FAAH2: variants seen among roughly 807,000 people sequenced by gnomAD.
FAAH2 encodes fatty-acid amide hydrolase 2.
In FAAH2, 60 loss-of-function variants were observed where a neutral mutation model predicts 36.9. The observed-to-expected ratio is 1.63, with a 90% CI of 1.32 to 2.02. The LOEUF (loss-of-function observed/expected upper bound fraction) is 2.02, where lower values mean the gene tolerates loss of function less well. FAAH2 is among the 30% of genes most tolerant of loss of function. The pLI is 0.00. For missense variants in FAAH2, 689 were observed against 397.5 expected (o/e 1.73, Z -6.23); for synonymous variants, 214 against 143.8 (o/e 1.49, Z -3.49).
chrX:57,469,562 A>G (rs1235474123), intron 10 of FAAH2, among the ~76,000 whole-genome samples: 1 of 112,168 alleles, frequency 8.9e-6, no homozygotes, highest in East Asian at 2.8e-4. Flanking sequence ...TCCTAAATAC[A>G]TCTGCACCCA....
chrX:57,296,632 G>A (rs773062566), intron 2 of FAAH2, among the ~76,000 whole-genome samples: 10 of 111,743 alleles, frequency 8.9e-5, no homozygotes, highest in African/African-American at 3.3e-4. Flanking sequence ...AGAGAAGAAG[G>A]CTTCAGATGA....
chrX:57,389,789 C>T (rs1245336575), intron 7 of FAAH2, among the ~76,000 whole-genome samples: 1 of 110,912 alleles, frequency 9.0e-6, no homozygotes, highest in African/African-American at 3.3e-5. Context: ...TTTTGAATGG[C>T]TGTACAAATT....
the FAAH2 span, among the ~76,000 whole-genome samples, chrX:57,187,485 T>G: frequency 9.0e-6 from 1 of 111,410 alleles, no homozygotes; most frequent in Non-Finnish European, 1.9e-5. Context: ...TGGGGTTCTC[T>G]AAATATACAA....
the FAAH2 span, among the ~76,000 whole-genome samples, chrX:57,169,793 C>CAA: frequency 9.6e-6 from 1 of 104,430 alleles, no homozygotes; most frequent in African/African-American, 3.4e-5. Context: ...ACCTGTCCTG[C>CAA]AAATTTCAGA....
At chrX:57,443,013 C>G (rs1266214284) in intron 8 of FAAH2, among the ~76,000 whole-genome samples, 1 of 111,808 alleles carries the variant, frequency 8.9e-6, no homozygotes, top group Non-Finnish European at 1.9e-5. Flanking sequence ...TTGTGGGTAA[C>G]CCGACCTTTC....
the FAAH2 span, among the ~76,000 whole-genome samples, chrX:57,143,631 C>T: frequency 9.1e-6 from 1 of 110,409 alleles, no homozygotes; most frequent in African/African-American, 3.3e-5. Context: ...AATGCACCAC[C>T]ATGCTAAGCT....
At chrX:57,221,940 A>G in the FAAH2 span, among the ~76,000 whole-genome samples, 2 of 110,590 alleles carry the variant, frequency 1.8e-5, no homozygotes, top group African/African-American at 6.6e-5. Context: ...CAATGTATTA[A>G]TGATCTGCTC....
chrX:57,483,314 T>C (rs2057414364), intron 10 of FAAH2, among the ~76,000 whole-genome samples: 1 of 111,732 alleles, frequency 8.9e-6, no homozygotes, highest in African/African-American at 3.3e-5. Context: ...TATTAAAGTG[T>C]TCAACTTTAT....
chrX:57,173,218 G>A, the FAAH2 span, among the ~76,000 whole-genome samples: 1 of 112,340 alleles, frequency 8.9e-6, no homozygotes, highest in African/African-American at 3.2e-5. Context: ...AGCATGGGAT[G>A]CATTTTTATT....
chrX:57,294,675 A>G (rs184370511), intron 2 of FAAH2, among the ~76,000 whole-genome samples: 8 of 111,754 alleles, frequency 7.2e-5, no homozygotes, highest in Non-Finnish European at 1.3e-4. Context: ...AACTTTGCAC[A>G]TGTTATTACT....
At chrX:57,443,660 G>C (rs2056611962) in intron 8 of FAAH2, among the ~76,000 whole-genome samples, 1 of 112,110 alleles carries the variant, frequency 8.9e-6, no homozygotes, top group African/African-American at 3.2e-5. Flanking sequence ...CTGGTGAGGA[G>C]CTGCATTCCT....
chrX:57,488,714 G>A (rs1252318999), intron 10 of FAAH2, 43 bp from the exon 11 acceptor site: 1 of 1,167,054 alleles, frequency 8.6e-7, no homozygotes, highest in Non-Finnish European at 1.2e-6. Context: ...ACGTTTTCAG[G>A]AACAGGTCTT....
At chrX:57,165,132 C>A in the FAAH2 span, among the ~76,000 whole-genome samples, 35 of 112,358 alleles carry the variant, frequency 3.1e-4, no homozygotes, top group Non-Finnish European at 6.2e-4. Context: ...GTCAGTGTGG[C>A]GATTCCTCAT....
the FAAH2 span, among the ~76,000 whole-genome samples, chrX:57,249,217 C>A: frequency 9.0e-6 from 1 of 111,392 alleles, no homozygotes; most frequent in African/African-American, 3.3e-5. Flanking sequence ...CCATTAGCAA[C>A]CAGAACAGTC....
the FAAH2 span, among the ~76,000 whole-genome samples, chrX:57,190,332 C>T: frequency 9.1e-6 from 1 of 109,501 alleles, no homozygotes; most frequent in South Asian, 4.1e-4. Context: ...GCTTGCTGGG[C>T]TCTGTGGGAG....
chrX:57,376,810 A>G (rs923393096), intron 5 of FAAH2, among the ~76,000 whole-genome samples: 3 of 112,150 alleles, frequency 2.7e-5, no homozygotes, highest in African/African-American at 9.7e-5. Context: ...CATTCTCTCC[A>G]GCATCTATTG....
intron 7 of FAAH2, among the ~76,000 whole-genome samples, chrX:57,416,413 A>T (rs1477743003): frequency 9.0e-6 from 1 of 110,953 alleles, no homozygotes; most frequent in African/African-American, 3.3e-5. Context: ...AGCTTTTGTA[A>T]GGCAGGCCTG....
chrX:57,182,692 GTATA>G, the FAAH2 span, among the ~76,000 whole-genome samples: 1 of 111,116 alleles, frequency 9.0e-6, no homozygotes, highest in South Asian at 3.8e-4. Context: ...CCATTACTGG[GTATA>G]TATACAAAGG....
chrX:57,166,017 G>A, the FAAH2 span, among the ~76,000 whole-genome samples: 1 of 111,172 alleles, frequency 9.0e-6, no homozygotes, highest in Non-Finnish European at 1.9e-5. Context: ...AGAACACACA[G>A]GTGGCTGGTT....
Sources: gnomAD v4.1 joint callset for allele counts (sites outside exome capture counted in the v4.1 genomes callset) on GRCh38, gnomAD v4.1.1 for gene constraint, MANE v1.5 for transcripts, NCBI Gene and HGNC (gene_info 2026-07-23, HGNC 2026-07-21) for gene names.